Variants in C7orf78 observed in about 807,000 individuals in gnomAD.
C7orf78 encodes putative uncharacterized protein C7orf78.
chr7:12,487,028 C>G, the C7orf78 span: 2 of 151,506 alleles, frequency 1.3e-5, no homozygotes, highest in Non-Finnish European at 2.9e-5. Context: ...ATATGGAGAT[C>G]AAAACATTTC....
At chr7:12,517,395 A>T in the C7orf78 span, among the ~76,000 whole-genome samples, 1 of 152,176 alleles carries the variant, frequency 6.6e-6, no homozygotes, top group African/African-American at 2.4e-5. Flanking sequence ...TATCGGCAGC[A>T]TGAAAACAGA....
At chr7:12,522,499 A>G in the C7orf78 span, among the ~76,000 whole-genome samples, 2 of 152,130 alleles carry the variant, frequency 1.3e-5, no homozygotes, top group Admixed American at 1.3e-4. Context: ...AATTTCACAT[A>G]CTTTCTACTT....
the C7orf78 span, among the ~76,000 whole-genome samples, chr7:12,518,136 C>G: frequency 6.6e-6 from 1 of 152,028 alleles, no homozygotes; most frequent in Non-Finnish European, 1.5e-5. Flanking sequence ...TGCCTACAAA[C>G]AATGTTAGTG....
chr7:12,525,532 C>A, the C7orf78 span, among the ~76,000 whole-genome samples: 1 of 152,080 alleles, frequency 6.6e-6, no homozygotes, highest in Non-Finnish European at 1.5e-5. Context: ...TGAATAGACT[C>A]CCTTAATTCC....
the C7orf78 span, chr7:12,523,252 A>G: frequency 5.0e-6 from 2 of 398,436 alleles, no homozygotes; most frequent in East Asian, 7.1e-5. Flanking sequence ...TCAGTTTTCC[A>G]GAAACAATGC....
At chr7:12,533,407 G>A in the C7orf78 span, among the ~76,000 whole-genome samples, 1 of 151,836 alleles carries the variant, frequency 6.6e-6, no homozygotes, top group East Asian at 1.9e-4. Flanking sequence ...TGCCATGTTG[G>A]CCAGGCTGGT....
At chr7:12,541,170 C>G in the C7orf78 span, 6 of 152,164 alleles carry the variant, frequency 3.9e-5, no homozygotes, top group African/African-American at 1.4e-4. Flanking sequence ...AAAGTTAGAT[C>G]TTGCAACTAT....
the C7orf78 span, among the ~76,000 whole-genome samples, chr7:12,497,788 GACAA>G: frequency 6.6e-6 from 1 of 151,456 alleles, no homozygotes; most frequent in Non-Finnish European, 1.5e-5. Flanking sequence ...GCAGGGCACA[GACAA>G]ACAAAAAGAC....
the C7orf78 span, among the ~76,000 whole-genome samples, chr7:12,530,229 A>T: frequency 6.6e-6 from 1 of 151,910 alleles, no homozygotes; most frequent in African/African-American, 2.4e-5. Context: ...GTAGTCGAAG[A>T]CTCCAGGTAG....
At chr7:12,517,929 C>A in the C7orf78 span, among the ~76,000 whole-genome samples, 1 of 151,750 alleles carries the variant, frequency 6.6e-6, no homozygotes, top group African/African-American at 2.4e-5. Flanking sequence ...TATTTTATTC[C>A]TTTGGGGGTG....
the C7orf78 span, among the ~76,000 whole-genome samples, chr7:12,495,310 C>T: frequency 0.54 from 82,267 of 152,084 alleles, 22,568 homozygotes; most frequent in Admixed American, 0.65. Context: ...ACAGCTCTTT[C>T]AAGGATTAAA....
the C7orf78 span, among the ~76,000 whole-genome samples, chr7:12,517,554 T>C: frequency 6.6e-6 from 1 of 152,254 alleles, no homozygotes; most frequent in Non-Finnish European, 1.5e-5. Context: ...CCATATGTTA[T>C]GAATGCTTCA....
At chr7:12,498,374 CA>C in the C7orf78 span, among the ~76,000 whole-genome samples, 11 of 150,576 alleles carry the variant, frequency 7.3e-5, no homozygotes, top group Non-Finnish European at 1.5e-4. Flanking sequence ...ATAACCAATA[CA>C]GAGAAGTGCT....
At chr7:12,487,023 G>C in the C7orf78 span, 1 of 151,598 alleles carries the variant, frequency 6.6e-6, no homozygotes, top group Non-Finnish European at 1.5e-5. Context: ...TGTGTATATG[G>C]AGATCAAAAC....
chr7:12,521,047 T>G, the C7orf78 span, among the ~76,000 whole-genome samples: 1 of 152,176 alleles, frequency 6.6e-6, no homozygotes, highest in Non-Finnish European at 1.5e-5. Flanking sequence ...CTGTTTAGCT[T>G]TGGTTTCCAT....
chr7:12,532,533 A>C, the C7orf78 span, among the ~76,000 whole-genome samples: 4 of 147,188 alleles, frequency 2.7e-5, no homozygotes, highest in Admixed American at 2.8e-4. Context: ...CGGATGACAG[A>C]GTGAGACTCT....
the C7orf78 span, among the ~76,000 whole-genome samples, chr7:12,511,150 C>T: frequency 1.3e-5 from 2 of 151,354 alleles, no homozygotes; most frequent in Admixed American, 1.3e-4. Flanking sequence ...TTTTTGTTCC[C>T]CAATGTAGGT....
chr7:12,509,518 T>C, the C7orf78 span, among the ~76,000 whole-genome samples: 1 of 152,228 alleles, frequency 6.6e-6, no homozygotes, highest in African/African-American at 2.4e-5. Context: ...ATATTGTTGC[T>C]AAGTATAGTC....
chr7:12,506,623 A>C, the C7orf78 span, among the ~76,000 whole-genome samples: 1 of 152,012 alleles, frequency 6.6e-6, no homozygotes, highest in Non-Finnish European at 1.5e-5. Flanking sequence ...GGGGAACATC[A>C]CACGCTGGGG....
Sources: gnomAD v4.1 joint callset for allele counts (sites outside exome capture counted in the v4.1 genomes callset) on GRCh38, gnomAD v4.1.1 for gene constraint, MANE v1.5 for transcripts, NCBI Gene and HGNC (gene_info 2026-07-23, HGNC 2026-07-21) for gene names.